RANBP17: variants seen among roughly 807,000 people sequenced by gnomAD.
The protein encoded by RANBP17 is ran-binding protein 17.
In RANBP17, 158 loss-of-function variants were observed where a neutral mutation model predicts 141.2. The ratio of observed to expected loss-of-function variants is 1.12; its 90% CI spans 0.98 to 1.28. The LOEUF (loss-of-function observed/expected upper bound fraction) is 1.28, where lower values mean the gene tolerates loss of function less well. Ranked by LOEUF, RANBP17 falls within the 50% of genes most tolerant of loss-of-function variation. The pLI, the probability that RANBP17 is intolerant of heterozygous loss-of-function variation, is 0.00. For missense variants in RANBP17, 1,438 were observed against 1,290.7 expected (o/e 1.11, Z -1.75); for synonymous variants, 430 against 450.0 (o/e 0.96, Z 0.56).
chr5:171,084,176 A>T (rs1248012169), intron 14 of RANBP17, among the ~76,000 whole-genome samples: 11 of 141,322 alleles, frequency 7.8e-5, no homozygotes, highest in South Asian at 2.2e-4. Context: ...GTGTTCTCAT[A>T]GTTCAATTCC....
intron 11 of RANBP17, among the ~76,000 whole-genome samples, chr5:170,922,200 A>G (rs1055177888): frequency 6.6e-6 from 1 of 152,112 alleles, no homozygotes; most frequent in Non-Finnish European, 1.5e-5. Context: ...TTCCTCTGGA[A>G]GCTTCATCCC....
chr5:171,117,829 TTTGTTGTTGTTGTTGTTGTTG>T (rs57307801), intron 14 of RANBP17, among the ~76,000 whole-genome samples: 2 of 147,450 alleles, frequency 1.4e-5, no homozygotes, highest in African/African-American at 5.0e-5. Flanking sequence ...TATGTGGGGT[TTTGTTGTTGTTGTTGTTGTTG>T]TTGTTGTTGT....
chr5:170,932,868 C>A lies in RANBP17; in HGVS notation c.1468+8318C>A, dbSNP rs573925265. 1.1e-4 allele frequency among the ~76,000 whole-genome samples: 16 copies of A among 152,106 alleles called. No individual in the cohort carries two copies. In the South Asian group the frequency reaches 3.3e-3, roughly 32 times the overall value. ...TCATCAGGGATGTTGGTCTAAAATT[C>A]TCTTTTTTTTTGTTGTGTCTCTACC... On this transcript the variant is annotated intron_variant, in intron 12 of 27. Coordinates refer to ENST00000523189, the MANE Select transcript of RANBP17 (RefSeq NM_022897.5).
intron 19 of RANBP17, among the ~76,000 whole-genome samples, chr5:171,200,374 A>C (rs113237499): frequency 0.035 from 5,387 of 152,290 alleles, 134 homozygotes; most frequent in Non-Finnish European, 0.055. Context: ...AACAGTCATA[A>C]TATCTAAGAC....
intron 14 of RANBP17, among the ~76,000 whole-genome samples, chr5:171,015,512 CTAAATA>C (rs1200566588): frequency 6.6e-6 from 1 of 152,004 alleles, no homozygotes; most frequent in Non-Finnish European, 1.5e-5. Context: ...TTCTATGTCT[CTAAATA>C]TATTTTCTAA....
intron 14 of RANBP17, among the ~76,000 whole-genome samples, chr5:171,049,678 T>C (rs1782828397): frequency 6.6e-6 from 1 of 152,210 alleles, no homozygotes; most frequent in Admixed American, 6.5e-5. Flanking sequence ...GTTTCAATCC[T>C]CTGCATGTGA....
chr5:171,121,546 G>C (rs1581680628), intron 14 of RANBP17, among the ~76,000 whole-genome samples: 1 of 152,326 alleles, frequency 6.6e-6, no homozygotes, highest in East Asian at 1.9e-4. Flanking sequence ...CATGTTGGCT[G>C]TTCAGAGGCT....
At chr5:171,009,363 CTT>C (rs1331557183) in intron 14 of RANBP17, among the ~76,000 whole-genome samples, 1 of 152,074 alleles carries the variant, frequency 6.6e-6, no homozygotes, top group African/African-American at 2.4e-5. Context: ...TTACTTGTAA[CTT>C]TGGGTAAGTT....
chr5:171,065,216 A>C (rs72827530), intron 14 of RANBP17, among the ~76,000 whole-genome samples: 4,295 of 152,038 alleles, frequency 0.028, 99 homozygotes, highest in Non-Finnish European at 0.04. Context: ...TCAAATGGCT[A>C]TCCGGTATTC....
chr5:171,074,964 T>G (rs1784828748), intron 14 of RANBP17, among the ~76,000 whole-genome samples: 1 of 152,358 alleles, frequency 6.6e-6, no homozygotes. Context: ...AGGTATGTGA[T>G]GTTTACCCAC....
chr5:171,004,573 T>G (rs1010183084), intron 14 of RANBP17, among the ~76,000 whole-genome samples: 1 of 152,204 alleles, frequency 6.6e-6, no homozygotes, highest in East Asian at 1.9e-4. Context: ...ACGGACTTAC[T>G]CTTCTCTGTA....
rs1008084671 is a variant in RANBP17 at position 171,136,275 on chromosome 5, C to A, written c.1711-33855C>A. ...AAACATGAGAATGCCAAGTGGGAAGCGAAATTATTTTCTCCATTTCAAGAT... is the reference window on the plus strand; with the variant it reads ...AAACATGAGAATGCCAAGTGGGAAGAGAAATTATTTTCTCCATTTCAAGAT... On this transcript the variant is annotated intron_variant, in intron 14 of 27. Coordinates refer to ENST00000523189, the MANE Select transcript of RANBP17 (RefSeq NM_022897.5). Among the ~76,000 whole-genome samples, 4 of 151,958 alleles carry A rather than the reference C, an allele frequency of 2.6e-5. No individual in the cohort carries two copies. In the East Asian group the frequency reaches 7.7e-4, roughly 29 times the overall value.
At chr5:171,063,882 C>G (rs1342942069) in intron 14 of RANBP17, among the ~76,000 whole-genome samples, 4 of 152,254 alleles carry the variant, frequency 2.6e-5, no homozygotes, top group Non-Finnish European at 5.9e-5. Flanking sequence ...GCCCCTCCCC[C>G]AGCCTCGCTG....
chr5:171,205,540 TG>T lies in RANBP17; in HGVS notation c.2161del (p.Ala721GlnfsTer11). ...QEDVKRMLIG[L>X]ARDLRGIAFA... is the part of the protein sequence containing the mutation. ...CACTGACAGCGTATGTTGATCGGGC[TG>T]GCAAGAGATCTTCGAGGGATTGCCT... On this transcript the variant is annotated frameshift_variant, in exon 20 of 28. Coordinates refer to ENST00000523189, the MANE Select transcript of RANBP17 (RefSeq NM_022897.5). LOFTEE classifies it high-confidence loss of function. 2.5e-6 allele frequency: 4 copies of T among 1,613,948 alleles called. No individual in the cohort carries two copies. The highest frequency in any genetic ancestry group is 3.4e-6 in the Non-Finnish European group (4 of 1,179,872).
intron 14 of RANBP17, among the ~76,000 whole-genome samples, chr5:171,066,261 C>G (rs1403412912): frequency 6.6e-6 from 1 of 152,136 alleles, no homozygotes; most frequent in Admixed American, 6.5e-5. Flanking sequence ...CAATAGTCTT[C>G]TTGAACTTAT....
chr5:170,965,718 G>A (rs1309971220), intron 13 of RANBP17, among the ~76,000 whole-genome samples: 1 of 152,112 alleles, frequency 6.6e-6, no homozygotes, highest in Non-Finnish European at 1.5e-5. Context: ...TAGATATGCA[G>A]CGTTATTTCT....
chr5:171,153,464 T>C (rs1309682806), intron 14 of RANBP17, among the ~76,000 whole-genome samples: 1 of 152,218 alleles, frequency 6.6e-6, no homozygotes, highest in Non-Finnish European at 1.5e-5. Flanking sequence ...GGGAAAGATA[T>C]TCCTGCCATC....
intron 25 of RANBP17, among the ~76,000 whole-genome samples, chr5:171,290,443 T>C (rs1041150854): frequency 6.6e-6 from 1 of 152,096 alleles, no homozygotes; most frequent in Non-Finnish European, 1.5e-5. Context: ...ATTTGCTTTA[T>C]GCTTGTGCTT....
chr5:171,186,239 C>T (rs1160606856), intron 18 of RANBP17, among the ~76,000 whole-genome samples: 1 of 152,178 alleles, frequency 6.6e-6, no homozygotes, highest in East Asian at 1.9e-4. Context: ...CAATGAAAGG[C>T]TGTTTCATCT....
Sources: gnomAD v4.1 joint callset for allele counts (sites outside exome capture counted in the v4.1 genomes callset) on GRCh38, gnomAD v4.1.1 for gene constraint, MANE v1.5 for transcripts, NCBI Gene and HGNC (gene_info 2026-07-23, HGNC 2026-07-21) for gene names.